The following TMTC1 variants were observed in gnomAD, a reference collection of about 807,000 sequenced individuals.
TMTC1 encodes transmembrane O-mannosyltransferase targeting cadherins 1.
A neutral mutation model predicts 104.8 loss-of-function variants in TMTC1; 73 were observed. That is an observed-to-expected ratio of 0.70 (90% CI 0.58 to 0.85). TMTC1 has a LOEUF of 0.85. Ranked by LOEUF, TMTC1 falls within the 40% of genes least tolerant of loss-of-function variation. The probability of loss-of-function intolerance (pLI) is 0.00; values close to 1 mark genes in which losing one functional copy is unlikely to be tolerated. For missense variants in TMTC1, 1,035 were observed against 1,096.1 expected, an observed-to-expected ratio of 0.94 and a Z score of 0.79; for synonymous variants, 434 against 428.7, an observed-to-expected ratio of 1.01 and a Z score of -0.15.
intron 5 of TMTC1, among the ~76,000 whole-genome samples, chr12:29,640,228 AC>A (rs1422904428): frequency 6.6e-6 from 1 of 152,192 alleles, no homozygotes; most frequent in Non-Finnish European, 1.5e-5. Context: ...GGTCCAATTA[AC>A]CGAGCTCAAT....
chr12:29,633,377 C>A, intron 5 of TMTC1, 41 bp from the exon 6 acceptor site: 2 of 1,496,250 alleles, frequency 1.3e-6, no homozygotes, highest in South Asian at 1.3e-5. Context: ...TGCTCAAGAA[C>A]CATGACATTC....
At chr12:29,656,730 G>C (rs1473069009) in intron 5 of TMTC1, among the ~76,000 whole-genome samples, 1 of 152,114 alleles carries the variant, frequency 6.6e-6, no homozygotes, top group Non-Finnish European at 1.5e-5. Context: ...CAGACAGAAA[G>C]TCCTGGACAA....
chr12:29,779,859 A>G (rs1943793804), intron 1 of TMTC1, among the ~76,000 whole-genome samples: 1 of 152,218 alleles, frequency 6.6e-6, no homozygotes, highest in African/African-American at 2.4e-5. Context: ...AATGGACAAA[A>G]GACACAAAGG....
At chr12:29,757,837 C>T (rs1943250773) in intron 3 of TMTC1, among the ~76,000 whole-genome samples, 1 of 152,070 alleles carries the variant, frequency 6.6e-6, no homozygotes. Context: ...GGGAATCTCC[C>T]ATTTTTAAAA....
intron 5 of TMTC1, among the ~76,000 whole-genome samples, chr12:29,719,975 T>C (rs983915391): frequency 6.6e-5 from 10 of 152,210 alleles, no homozygotes; most frequent in Admixed American, 2.0e-4. Context: ...GTTTTCTTTA[T>C]TGACAGCTTA....
chr12:29,541,719 A>C (rs1592201615), intron 10 of TMTC1, among the ~76,000 whole-genome samples: 2 of 128,966 alleles, frequency 1.6e-5, no homozygotes, highest in African/African-American at 6.1e-5. Context: ...AGTGCAGTGG[A>C]GCAATCTCAG....
chr12:29,654,450 G>A (rs1939661960), intron 5 of TMTC1, among the ~76,000 whole-genome samples: 1 of 152,144 alleles, frequency 6.6e-6, no homozygotes, highest in African/African-American at 2.4e-5. Flanking sequence ...CTGTCAAAAA[G>A]ACAAATGTTG....
At chr12:29,594,096 C>T (rs185477989) in intron 7 of TMTC1, among the ~76,000 whole-genome samples, 10 of 152,280 alleles carry the variant, frequency 6.6e-5, no homozygotes, top group African/African-American at 2.4e-4. Flanking sequence ...CTTCCTTCAC[C>T]CCAGCCTGGT....
chr12:29,518,657 G>T (rs1417377306), intron 12 of TMTC1, 50 bp from the exon 13 acceptor site: 4 of 1,583,304 alleles, frequency 2.5e-6, no homozygotes, highest in East Asian at 2.2e-5. Context: ...TTTTATAAAA[G>T]ACATGAACAT....
At chr12:29,675,105 A>G (rs565492044) in intron 5 of TMTC1, among the ~76,000 whole-genome samples, 2 of 152,298 alleles carry the variant, frequency 1.3e-5, no homozygotes, top group East Asian at 1.9e-4. Flanking sequence ...AATTCAGCTA[A>G]GTTTCCCTTG....
rs77783730 is a variant in TMTC1, at chr12:29,506,839, G to T, written c.*7C>A. 4,861 of 1,613,918 alleles carry T rather than the reference G, an allele frequency of 3.0e-3. 14 individuals are homozygous for T. Among genetic ancestry groups the T allele is most frequent in the South Asian group, 4.6e-3 (422 of 91,056 alleles). On this transcript the variant is annotated 3_prime_UTR_variant, in exon 18 of 18. Coordinates refer to ENST00000539277, the MANE Select transcript of TMTC1 (RefSeq NM_001193451.2). ...ATTATCCTATGAGGTTGGGTCAGAC[G>T]GTGGTGCTATGTTTGATCCTTTTCT... is the stretch of plus-strand genomic sequence containing the variant.
chr12:29,714,394 T>A (rs184124322), intron 5 of TMTC1, among the ~76,000 whole-genome samples: 3 of 152,360 alleles, frequency 2.0e-5, no homozygotes, highest in South Asian at 2.1e-4. Flanking sequence ...GGATTTCTTT[T>A]AAAATTTTTT....
intron 10 of TMTC1, among the ~76,000 whole-genome samples, chr12:29,542,567 C>T (rs950902712): frequency 6.6e-6 from 1 of 152,076 alleles, no homozygotes; most frequent in African/African-American, 2.4e-5. Context: ...TGGTAAAGTG[C>T]AGAATGCCAG....
At position 29,502,328 on chromosome 12, in the gene TMTC1, C is replaced by A. The variant is rs1213563073; in HGVS notation, c.*4518G>T. Reference sequence around the variant, plus strand: ...TTAAGAAGGTGAATCCACCACAAATCAAAGCAAAAGTTTTTTTTTTTTTCA... The same window carrying A: ...TTAAGAAGGTGAATCCACCACAAATAAAAGCAAAAGTTTTTTTTTTTTTCA... On this transcript the variant is annotated 3_prime_UTR_variant, in exon 18 of 18. Transcript: ENST00000539277. 4 of 138,742 alleles carry A rather than the reference C, an allele frequency of 2.9e-5. No individual in the cohort carries two copies. Among genetic ancestry groups the A allele is most frequent in the Non-Finnish European group, 6.1e-5 (4 of 65,642 alleles). The allele number at this position is 138,742 out of a possible 1,614,324, so 8.6% of individuals were successfully genotyped here. A position where few individuals can be genotyped will look rare whatever the true frequency, so the allele number is the denominator to read the frequency against.
intron 10 of TMTC1, among the ~76,000 whole-genome samples, chr12:29,542,473 C>T (rs1944828384): frequency 6.6e-6 from 1 of 152,172 alleles, no homozygotes; most frequent in Admixed American, 6.5e-5. Context: ...GATAATAATC[C>T]TCCGTGATCT....
At chr12:29,528,869 TTAAACA>T (rs1024142964) in intron 11 of TMTC1, among the ~76,000 whole-genome samples, 15 of 151,872 alleles carry the variant, frequency 9.9e-5, no homozygotes, top group Admixed American at 3.3e-4. Context: ...AATCATAAAC[TTAAACA>T]TAAATAATAT....
At chr12:29,721,584 C>T (rs1354793149) in intron 5 of TMTC1, among the ~76,000 whole-genome samples, 3 of 151,996 alleles carry the variant, frequency 2.0e-5, no homozygotes, top group Admixed American at 6.6e-5. Flanking sequence ...GAGAAATAAA[C>T]AAATCTACAT....
intron 6 of TMTC1, among the ~76,000 whole-genome samples, chr12:29,616,536 T>C (rs1946982725): frequency 6.6e-6 from 1 of 151,814 alleles, no homozygotes; most frequent in South Asian, 2.1e-4. Context: ...GGCATGGTGG[T>C]GGACGCCTGT....
intron 5 of TMTC1, among the ~76,000 whole-genome samples, chr12:29,643,249 A>G (rs1340802640): frequency 2.0e-5 from 3 of 151,514 alleles, no homozygotes; most frequent in Non-Finnish European, 4.4e-5. Context: ...TCCTTAAAGA[A>G]CTAAAAGTAG....
Sources: gnomAD v4.1 joint callset for allele counts (sites outside exome capture counted in the v4.1 genomes callset) on GRCh38, gnomAD v4.1.1 for gene constraint, MANE v1.5 for transcripts, NCBI Gene and HGNC (gene_info 2026-07-23, HGNC 2026-07-21) for gene names.